FLI1: variants seen among roughly 807,000 people sequenced by gnomAD.
FLI1 encodes the protein Fli-1 proto-oncogene, ETS transcription factor.
A neutral mutation model predicts 53.1 loss-of-function variants in FLI1; 13 were observed. That is an observed-to-expected ratio of 0.24 (90% CI 0.16 to 0.39). FLI1 has a LOEUF of 0.39. FLI1 is among the 10% of genes least tolerant of loss of function. The pLI, the probability that FLI1 is intolerant of heterozygous loss-of-function variation, is 1.00. For missense variants in FLI1, 424 were observed against 600.5 expected (o/e 0.71, Z 3.07); for synonymous variants, 244 against 236.7 (o/e 1.03, Z -0.28).
intron 6 of FLI1, chr11:128,805,957 T>G (rs1385414124): frequency 6.6e-6 from 1 of 151,792 alleles, no homozygotes; most frequent in East Asian, 2.0e-4. Context: ...GACATCAGGT[T>G]CTCCACCAAG....
chr11:128,789,573 C>T (rs149491675), intron 5 of FLI1, among the ~76,000 whole-genome samples: 1 of 152,214 alleles, frequency 6.6e-6, no homozygotes, highest in Admixed American at 6.5e-5. Context: ...TGCCTTATTT[C>T]TCCGGGCGAA....
At chr11:128,722,331 GC>G (rs1689505643) in intron 1 of FLI1, among the ~76,000 whole-genome samples, 2 of 152,230 alleles carry the variant, frequency 1.3e-5, no homozygotes, top group African/African-American at 4.8e-5. Context: ...GTCAAGGGAT[GC>G]TTCTCGGAGA....
At chr11:128,805,702 C>T (rs1431499965) in intron 6 of FLI1, 2 of 381,102 alleles carry the variant, frequency 5.2e-6, no homozygotes, top group Non-Finnish European at 4.7e-6. Context: ...AGGTTCTGTA[C>T]CAATGAATGG....
chr11:128,705,152 C>T (rs1938495103), intron 1 of FLI1, among the ~76,000 whole-genome samples: 2 of 152,182 alleles, frequency 1.3e-5, no homozygotes, highest in African/African-American at 4.8e-5. Context: ...TCTATGGGGA[C>T]CATGTAGGTT....
Position 128,799,020 on chromosome 11 carries a change from ATATTAT to A in FLI1, c.656-6317_656-6312del, listed in dbSNP as rs751738832. Among the ~76,000 whole-genome samples the A allele has an allele frequency of 7.2e-5, 10 of 139,386 alleles. 1 individual carries two copies. The South Asian group carries it at 9.1e-4, about 13-fold the overall frequency. The allele number at this position is 139,386 out of a possible 152,430, so 91.4% of individuals were successfully genotyped here. A position where few individuals can be genotyped will look rare whatever the true frequency, so the allele number is the denominator to read the frequency against. On this transcript the variant is annotated intron_variant, in intron 5 of 8. Transcript: ENST00000527786. ...AAAGAAAGCCACGATTTATTTTATT[ATATTAT>A]TATTATTATTATTATTATTATTATT...
intron 1 of FLI1, among the ~76,000 whole-genome samples, chr11:128,718,881 G>A (rs1033868110): frequency 1.3e-5 from 2 of 152,168 alleles, no homozygotes; most frequent in African/African-American, 4.8e-5. Flanking sequence ...CAGAAGTGCA[G>A]ATGTGGATCC....
At chr11:128,712,710 C>A (rs912170921) in intron 1 of FLI1, among the ~76,000 whole-genome samples, 2 of 152,122 alleles carry the variant, frequency 1.3e-5, no homozygotes, top group Non-Finnish European at 2.9e-5. Flanking sequence ...AAGACCCACC[C>A]CCAGAATTCA....
chr11:128,790,524 T>C (rs1942241207), intron 5 of FLI1, among the ~76,000 whole-genome samples: 1 of 152,240 alleles, frequency 6.6e-6, no homozygotes, highest in Non-Finnish European at 1.5e-5. Flanking sequence ...ACCATTATCC[T>C]TCCTTTCTCT....
rs1369172388 is a variant in FLI1, at chr11:128,772,954, G to A, written c.558G>A (p.Val186=). The A allele has an allele frequency of 1.2e-6, 2 of 1,613,960 alleles. No homozygotes were observed. The highest frequency in any genetic ancestry group is 1.7e-5 in the Admixed American group (1 of 60,030). ...LRATTLYNTE[V]LLSHLSYLRE... ...CCACCACCCTCTACAACACGGAAGT[G>A]CTGTTGTCACACCTCAGTTACCTCA... The change falls in exon 4 of 9, where the codon GTG becomes GTA. Residue 186 remains valine (V), a synonymous_variant. Transcript: ENST00000527786.
chr11:128,769,397 T>C (rs1941470257), intron 3 of FLI1, among the ~76,000 whole-genome samples: 1 of 152,232 alleles, frequency 6.6e-6, no homozygotes, highest in East Asian at 1.9e-4. Context: ...AGCATAAATG[T>C]AGTTGCCTCT....
At position 128,699,830 on chromosome 11, in the gene FLI1, A is replaced by G. The variant is rs979621251; in HGVS notation, c.18+5554A>G. Among the ~76,000 whole-genome samples, 7 of 152,326 alleles carry G rather than the reference A, an allele frequency of 4.6e-5. 1 individual carries two copies. In the East Asian group the frequency reaches 1.3e-3, roughly 29 times the overall value. On this transcript the variant is annotated intron_variant, in intron 1 of 8. Coordinates refer to ENST00000527786, the MANE Select transcript of FLI1 (RefSeq NM_002017.5). Reference sequence around the variant, plus strand: ...AAATCTGACAAAATTTAGGTAATCTATGGAATAAACCTTTCCTGTGCAAAG... The same window carrying G: ...AAATCTGACAAAATTTAGGTAATCTGTGGAATAAACCTTTCCTGTGCAAAG...
At chr11:128,777,083 C>A (rs1024684818) in intron 4 of FLI1, among the ~76,000 whole-genome samples, 4 of 152,230 alleles carry the variant, frequency 2.6e-5, no homozygotes, top group African/African-American at 9.6e-5. Context: ...CTCTCCCGGA[C>A]ACACCCCGTG....
At chr11:128,790,706 G>C (rs1413174414) in intron 5 of FLI1, among the ~76,000 whole-genome samples, 1 of 152,178 alleles carries the variant, frequency 6.6e-6, no homozygotes, top group Non-Finnish European at 1.5e-5. Flanking sequence ...CTGAGTATCA[G>C]TCCACTGCCT....
chr11:128,703,885 A>C (rs976191912), intron 1 of FLI1, among the ~76,000 whole-genome samples: 3 of 151,172 alleles, frequency 2.0e-5, no homozygotes, highest in Non-Finnish European at 2.9e-5. Flanking sequence ...AGAGACACAG[A>C]AACAGACTTG....
At chr11:128,707,490 G>A (rs981434428) in intron 1 of FLI1, among the ~76,000 whole-genome samples, 5 of 152,166 alleles carry the variant, frequency 3.3e-5, no homozygotes, top group Non-Finnish European at 5.9e-5. Flanking sequence ...GTCATTTCAG[G>A]AAACCAGCAT....
At chr11:128,779,418 G>A (rs546627291) in intron 4 of FLI1, among the ~76,000 whole-genome samples, 1 of 152,254 alleles carries the variant, frequency 6.6e-6, no homozygotes, top group South Asian at 2.1e-4. Context: ...AGTCGTGCCG[G>A]ATTATTTCTT....
intron 2 of FLI1, among the ~76,000 whole-genome samples, chr11:128,759,096 G>C (rs1941007435): frequency 6.6e-6 from 1 of 152,234 alleles, no homozygotes; most frequent in South Asian, 2.1e-4. Flanking sequence ...AAAGGACCTG[G>C]GATGGTGCCT....
chr11:128,779,119 T>C (rs1201866019), intron 4 of FLI1, among the ~76,000 whole-genome samples: 1 of 152,238 alleles, frequency 6.6e-6, no homozygotes, highest in African/African-American at 2.4e-5. Flanking sequence ...TCTCTCAGCT[T>C]TCTGGGAGTT....
chr11:128,778,160 A>G (rs566252890), intron 4 of FLI1, among the ~76,000 whole-genome samples: 3 of 152,374 alleles, frequency 2.0e-5, no homozygotes, highest in African/African-American at 7.2e-5. Context: ...ATATATACAT[A>G]CAAACACATA....
Sources: allele counts gnomAD v4.1 joint callset (sites outside exome capture counted in the v4.1 genomes callset), GRCh38; gene constraint gnomAD v4.1.1; transcripts MANE v1.5; gene names NCBI Gene and HGNC (gene_info 2026-07-23, HGNC 2026-07-21).